Variants in GSE1 observed in about 807,000 individuals in gnomAD.
GSE1 encodes the protein genetic suppressor element 1.
Under a neutral mutation model 112.6 loss-of-function variants are expected in GSE1, and 32 were observed. The ratio of observed to expected loss-of-function variants is 0.28; its 90% CI spans 0.21 to 0.38. The LOEUF is 0.38. GSE1 is among the 10% of genes least tolerant of loss of function. The probability of loss-of-function intolerance (pLI) is 1.00; values close to 1 mark genes in which losing one functional copy is unlikely to be tolerated. For synonymous variants in GSE1, 1,115 were observed against 735.6 expected (o/e 1.52, Z -8.35); for missense variants, 2,348 against 1,699.2 (o/e 1.38, Z -6.71).
At chr16:85,616,784 TCCCCCGG>T (rs2048397994) in intron 1 of GSE1, among the ~76,000 whole-genome samples, 2 of 151,742 alleles carry the variant, frequency 1.3e-5, no homozygotes, top group African/African-American at 4.8e-5. Context: ...CTGGCCTTTC[TCCCCCGG>T]CTGAGGCCAC....
chr16:85,576,573 G>T (rs1016136289), intron 1 of GSE1, among the ~76,000 whole-genome samples: 1 of 152,282 alleles, frequency 6.6e-6, no homozygotes, highest in South Asian at 2.1e-4. Flanking sequence ...CTGCTCTCCC[G>T]GGAGAAGCTG....
chr16:85,337,347 C>T (rs1356190457), intron 1 of GSE1, among the ~76,000 whole-genome samples: 1 of 150,338 alleles, frequency 6.7e-6, no homozygotes, highest in Admixed American at 6.6e-5. Flanking sequence ...GCTCTGTCGC[C>T]CAGGCTGGAG....
rs574712112 is a variant in GSE1 at position 85,506,882 on chromosome 16, G to A, written c.2465-127032G>A. On this transcript the variant is annotated intron_variant, in intron 2 of 2. Coordinates refer to the GSE1 transcript ENST00000637419. Reference sequence around the variant, plus strand: ...GGACAGTGCCAGCAACCCAGCAATCGCTCAGCCACCCTCCCCTGTTGAGCC... The same window carrying A: ...GGACAGTGCCAGCAACCCAGCAATCACTCAGCCACCCTCCCCTGTTGAGCC... Among the ~76,000 whole-genome samples the A allele has an allele frequency of 7.9e-5, 12 of 152,224 alleles. No individual in the cohort carries two copies. In the South Asian group the frequency reaches 1.5e-3, roughly 18 times the overall value.
At chr16:85,245,878 C>CGT (rs372818970) in intron 1 of GSE1, among the ~76,000 whole-genome samples, 14 of 150,736 alleles carry the variant, frequency 9.3e-5, no homozygotes, top group East Asian at 5.9e-4. Flanking sequence ...CCTGCGTGTG[C>CGT]GTGTGTGTGT....
At chr16:85,203,612 C>G (rs765471697) in intron 1 of GSE1, among the ~76,000 whole-genome samples, 1 of 152,198 alleles carries the variant, frequency 6.6e-6, no homozygotes, top group South Asian at 2.1e-4. Context: ...GATAGGCAGC[C>G]AAGGCCAAGC....
intron 1 of GSE1, among the ~76,000 whole-genome samples, chr16:85,180,118 C>T (rs911388960): frequency 6.6e-6 from 1 of 152,240 alleles, no homozygotes; most frequent in Non-Finnish European, 1.5e-5. Flanking sequence ...GTTGCCCTGA[C>T]TGCTGTGTTT....
intron 1 of GSE1, among the ~76,000 whole-genome samples, chr16:85,230,465 C>T (rs1904275584): frequency 6.6e-6 from 1 of 152,166 alleles, no homozygotes; most frequent in Non-Finnish European, 1.5e-5. Flanking sequence ...ACTCGTGTAA[C>T]CGATGGGGTG....
At chr16:85,632,783 G>A (rs2049649599) in intron 1 of GSE1, among the ~76,000 whole-genome samples, 1 of 151,896 alleles carries the variant, frequency 6.6e-6, no homozygotes, top group South Asian at 2.1e-4. Flanking sequence ...GCGCCCCCCC[G>A]CCCCAAGATG....
intron 1 of GSE1, among the ~76,000 whole-genome samples, chr16:85,302,720 G>A (rs1436723097): frequency 6.6e-6 from 1 of 152,200 alleles, no homozygotes; most frequent in African/African-American, 2.4e-5. Context: ...GGTAATTCTG[G>A]TGTAGGGGGC....
chr16:85,647,277 G>A (rs775091052), intron 2 of GSE1, among the ~76,000 whole-genome samples: 65 of 152,136 alleles, frequency 4.3e-4, no homozygotes, highest in Admixed American at 7.9e-4. Context: ...TGCTACCCGC[G>A]GGGCTGCAGC....
At chr16:85,517,200 C>G (rs1029878787) in intron 2 of GSE1, among the ~76,000 whole-genome samples, 23 of 152,020 alleles carry the variant, frequency 1.5e-4, no homozygotes, top group African/African-American at 5.1e-4. Context: ...TAGGGTTCGA[C>G]AGCACACAGG....
Position 85,549,963 on chromosome 16 carries a change from A to G in GSE1, c.2465-83951A>G, listed in dbSNP as rs917346987. Among the ~76,000 whole-genome samples, 9 of 152,318 alleles carry G rather than the reference A, an allele frequency of 5.9e-5. 1 individual carries two copies. The highest frequency in any genetic ancestry group is 1.3e-4 in the Admixed American group (2 of 15,306). ...AGCAGGCATTGTGGAGCCCCAGTGC[A>G]CTAAGGCCCCATCAGTGGGAGCTGC... On this transcript the variant is annotated intron_variant, in intron 2 of 2. Transcript: ENST00000637419.
rs2045857429 is a variant in GSE1 at position 85,311,859 on chromosome 16, C to T, written c.2284-45604C>T. Among the ~76,000 whole-genome samples the T allele has an allele frequency of 6.6e-6, 1 of 152,210 alleles. No individual in the cohort carries two copies. The stretch of plus-strand genomic sequence containing the variant: ...GCCCCAGCCGCGAGTCCTTCTCACC[C>T]CAGACCCCAGCGTCTGTGTTTCATG... On this transcript the variant is annotated intron_variant, in intron 1 of 2. Transcript: ENST00000637419. The surrounding 1 kb of genome is among the most constrained non-coding windows in gnomAD (Gnocchi z 4.2).
At chr16:85,306,966 G>C (rs1334222241) in intron 1 of GSE1, among the ~76,000 whole-genome samples, 3 of 152,234 alleles carry the variant, frequency 2.0e-5, no homozygotes, top group Non-Finnish European at 4.4e-5. Context: ...ATCCAGCGCT[G>C]TGCCCAAGCT....
chr16:85,204,077 C>T (rs1431101256), intron 1 of GSE1, among the ~76,000 whole-genome samples: 1 of 152,148 alleles, frequency 6.6e-6, no homozygotes, highest in Non-Finnish European at 1.5e-5. Flanking sequence ...GCCAATTTCC[C>T]AAAACTTTAA....
At chr16:85,467,262 G>A (rs1009659818) in intron 2 of GSE1, among the ~76,000 whole-genome samples, 5 of 152,216 alleles carry the variant, frequency 3.3e-5, no homozygotes, top group Non-Finnish European at 7.3e-5. Flanking sequence ...CCTCTTACGG[G>A]TTGTGCGCAA....
At chr16:85,322,159 G>A (rs966282437) in intron 1 of GSE1, among the ~76,000 whole-genome samples, 1 of 152,242 alleles carries the variant, frequency 6.6e-6, no homozygotes, top group Non-Finnish European at 1.5e-5. Context: ...TTGTTTCCAA[G>A]TTCAACATTC....
At position 85,658,781 on chromosome 16, in the gene GSE1, G is replaced by T. The variant is rs193017845; in HGVS notation, c.1640+1177G>T. ...ACCTGGCATGGCCTGATAACATCAG[G>T]GTGCCCTGACTCCTGTAGGCATCTT... On this transcript the variant is annotated intron_variant, in intron 8 of 15. Transcript: ENST00000253458. 5.7e-3 allele frequency among the ~76,000 whole-genome samples: 858 copies of T among 151,582 alleles called. 8 individuals carry two copies. The highest frequency in any genetic ancestry group is 0.01 in the Non-Finnish European group (709 of 67,682).
chr16:85,634,168 G>C, intron 2 of GSE1, 36 bp downstream of exon 2: 1 of 1,346,306 alleles, frequency 7.4e-7, no homozygotes, highest in African/African-American at 1.5e-5. Context: ...TGGGGGGAGC[G>C]GCGGCTCCCG....
Sources: gnomAD v4.1 joint callset for allele counts (sites outside exome capture counted in the v4.1 genomes callset) on GRCh38, gnomAD v4.1.1 for gene constraint, Gnocchi (gnomAD v3.1) non-coding constraint, MANE v1.5 for transcripts, NCBI Gene and HGNC (gene_info 2026-07-23, HGNC 2026-07-21) for gene names.